The following DDX42 variants were observed in gnomAD, a reference collection of about 807,000 sequenced individuals.
DDX42 encodes the protein ATP-dependent RNA helicase DDX42.
A neutral mutation model predicts 101.5 loss-of-function variants in DDX42; 22 were observed. The observed-to-expected ratio is 0.22, with a 90% CI of 0.15 to 0.31. The LOEUF is 0.31. Ranked by LOEUF, DDX42 falls within the 10% of genes least tolerant of loss-of-function variation. DDX42 has a pLI of 1.00. For synonymous variants in DDX42, 402 were observed against 401.2 expected (o/e 1.00, Z -0.02); for missense variants, 849 against 1,199.9 (o/e 0.71, Z 4.32).
chr17:63,804,438 TA>T (rs1166419856), intron 6 of DDX42, among the ~76,000 whole-genome samples: 26 of 152,242 alleles, frequency 1.7e-4, no homozygotes, highest in African/African-American at 6.0e-4. Context: ...TTTTAAAAGT[TA>T]TAAACAACTC....
chr17:63,787,263 G>A lies in DDX42; in HGVS notation c.214G>A (p.Glu72Lys). 1 of 1,614,118 alleles carries A rather than the reference G, an allele frequency of 6.2e-7. No individual in the cohort carries two copies. ...ATCTAAGCGGGCCAACTTTGATGAA[G>A]AAAATGCGTAAGTGGTAATTCCTGG... Reference protein sequence around the residue: ...IGSKRANFDEENAYFEDEEED... With the variant: ...IGSKRANFDEKNAYFEDEEED... The change falls in exon 2 of 18, where the codon GAA (glutamate) becomes AAA (lysine). Residue 72 changes from glutamate to lysine, a missense_variant. Glu to Lys is a moderately conservative substitution (Grantham distance 56). Transcript: ENST00000389924.
chr17:63,795,361 T>C (rs1488543319), intron 3 of DDX42, among the ~76,000 whole-genome samples: 1 of 152,242 alleles, frequency 6.6e-6, no homozygotes, highest in Non-Finnish European at 1.5e-5. Flanking sequence ...CTGTAATTTT[T>C]TTCTTTTGAG....
At chr17:63,797,094 C>T (rs948113629) in intron 3 of DDX42, among the ~76,000 whole-genome samples, 2 of 151,964 alleles carry the variant, frequency 1.3e-5, no homozygotes, top group African/African-American at 4.8e-5. Flanking sequence ...CATCAATTTG[C>T]AGTATATAAA....
chr17:63,799,031 G>A (rs2039728530), intron 4 of DDX42, among the ~76,000 whole-genome samples: 1 of 152,188 alleles, frequency 6.6e-6, no homozygotes, highest in African/African-American at 2.4e-5. Flanking sequence ...ACAGCAAGTG[G>A]TGATGGTCCC....
At position 63,805,126 on chromosome 17, in the gene DDX42, A is replaced by C. The variant is rs777722604; in HGVS notation, c.677A>C (p.Asn226Thr). 1 of 1,613,320 alleles carries C rather than the reference A, an allele frequency of 6.2e-7. No homozygotes were observed. Among genetic ancestry groups the C allele is most frequent in the South Asian group, 1.1e-5 (1 of 90,794 alleles). The change falls in exon 7 of 18, where the codon AAC becomes ACC. Residue 226 changes from asparagine to threonine, a missense_variant. Coordinates refer to ENST00000389924, the MANE Select transcript of DDX42 (RefSeq NM_203499.3). ...NFYNEHEEITNLTPQQLIDLR... is the reference protein window; with the variant it reads ...NFYNEHEEITTLTPQQLIDLR... ...TACAATGAGCATGAAGAGATAACCA[A>C]CCTCACTCCACAGCAGTTAATAGAT...
At chr17:63,789,117 C>T (rs2039587535) in intron 2 of DDX42, among the ~76,000 whole-genome samples, 1 of 152,116 alleles carries the variant, frequency 6.6e-6, no homozygotes, top group Admixed American at 6.6e-5. Context: ...CTCACTGTCT[C>T]ACCCAGGCTA....
At chr17:63,798,626 T>C (rs1598333092) in intron 4 of DDX42, among the ~76,000 whole-genome samples, 1 of 152,206 alleles carries the variant, frequency 6.6e-6, no homozygotes, top group South Asian at 2.1e-4. Context: ...AGGGCTGTAA[T>C]AATACCTAAT....
intron 2 of DDX42, among the ~76,000 whole-genome samples, chr17:63,790,665 C>G (rs569662964): frequency 6.6e-6 from 1 of 152,324 alleles, no homozygotes; most frequent in East Asian, 1.9e-4. Context: ...GAGGCTGAGG[C>G]AGGAGAATCA....
At chr17:63,794,948 A>G (rs946261046) in intron 3 of DDX42, among the ~76,000 whole-genome samples, 3 of 151,970 alleles carry the variant, frequency 2.0e-5, no homozygotes, top group Non-Finnish European at 2.9e-5. Flanking sequence ...AAAAAAAAAA[A>G]AAAAGAAAAA....
intron 14 of DDX42, among the ~76,000 whole-genome samples, chr17:63,812,741 C>G (rs529140320): frequency 3.7e-3 from 559 of 152,100 alleles, no homozygotes; most frequent in Non-Finnish European, 4.8e-3. Flanking sequence ...GATAAAAGTC[C>G]CAGTCGGGCA....
At chr17:63,811,299 A>T (rs2039907393) in intron 13 of DDX42, 126 bp downstream of exon 13, 1 of 711,572 alleles carries the variant, frequency 1.4e-6, no homozygotes, top group Non-Finnish European at 2.2e-6. Flanking sequence ...AACATGCTTG[A>T]GATTGGGTAT....
chr17:63,788,542 A>AGG (rs1259620475), intron 2 of DDX42, among the ~76,000 whole-genome samples: 1 of 148,550 alleles, frequency 6.7e-6, no homozygotes, highest in African/African-American at 2.6e-5. Context: ...TCCTGACCTC[A>AGG]TGATCCGCCC....
rs558384572 is a variant in DDX42 at position 63,775,502 on chromosome 17, G to A, written c.-17+1126G>A. On this transcript the variant is annotated intron_variant, in intron 1 of 17. Coordinates refer to ENST00000389924, the MANE Select transcript of DDX42 (RefSeq NM_203499.3). ...GGGGGTTGGGGAGGTGGTGGTGTTG[G>A]AATTTGCAATAAAGTGGTCAGGGAA... is the stretch of plus-strand genomic sequence containing the variant. Among the ~76,000 whole-genome samples the A allele has an allele frequency of 7.9e-5, 12 of 152,278 alleles. No individual in the cohort carries two copies. In the South Asian group the frequency reaches 2.5e-3, roughly 32 times the overall value.
rs1062791 is a variant in DDX42 at position 63,819,127 on chromosome 17, C to T, written c.*729C>T. ...CAACAGCTTTTAAAGTGTCTTCTAT[C>T]TCATTGTATTTTTTTTAACTTGCCC... On this transcript the variant is annotated 3_prime_UTR_variant, in exon 18 of 18. Coordinates refer to ENST00000389924, the MANE Select transcript of DDX42 (RefSeq NM_203499.3). 0.7 allele frequency: 106,015 copies of T among 152,494 alleles called. 38,134 individuals carry two copies. Among genetic ancestry groups the T allele is most frequent in the African/African-American group, 0.9 (37,395 of 41,544 alleles). The allele number at this position is 152,494 out of a possible 1,614,324, so 9.4% of individuals were successfully genotyped here.
rs2039968476 is a variant in DDX42, at chr17:63,815,660, G to C, written c.2000G>C (p.Gly667Ala). The C allele has an allele frequency of 6.2e-7, 1 of 1,613,214 alleles. No individual in the cohort carries two copies. ...GGCTACAGGGAGCGGCCTGGCCTGG[G>C]CTCTGAGAACATGGTGAGTCTAGAC... is the stretch of plus-strand genomic sequence containing the variant. ...GLGYRERPGLGSENMDRGNNN... is the reference protein window; with the variant it reads ...GLGYRERPGLASENMDRGNNN... Residue 667 changes from glycine to alanine, a missense_variant, in exon 16 of 18, where the codon GGC (glycine) becomes GCC (alanine). Around this residue, in one of 5 missense-constraint regions of DDX42, gnomAD observed 86 missense variants for 160.8 expected, o/e 0.53. Coordinates refer to ENST00000389924, the MANE Select transcript of DDX42 (RefSeq NM_203499.3).
Position 63,777,346 on chromosome 17 carries a change from A to G in DDX42, c.-17+2970A>G, listed in dbSNP as rs559228345. ...GAGTATCTAATATTGAAAACATGCT[A>G]TAAGAGAAAAGTGAATAAGCCTGTT... On this transcript the variant is annotated intron_variant, in intron 1 of 17. Coordinates refer to ENST00000389924, the MANE Select transcript of DDX42 (RefSeq NM_203499.3). Among the ~76,000 whole-genome samples the G allele has an allele frequency of 2.7e-3, 408 of 152,362 alleles. 2 individuals are homozygous for G. The highest frequency in any genetic ancestry group is 3.7e-3 in the Non-Finnish European group (249 of 68,040).
intron 6 of DDX42, among the ~76,000 whole-genome samples, chr17:63,802,246 G>A (rs2039779999): frequency 6.6e-6 from 1 of 152,140 alleles, no homozygotes; most frequent in South Asian, 2.1e-4. Flanking sequence ...TATTAAAGTC[G>A]TGACCCTTGA....
chr17:63,798,441 G>A (rs1173875639), intron 4 of DDX42, among the ~76,000 whole-genome samples: 1 of 152,106 alleles, frequency 6.6e-6, no homozygotes, highest in Middle Eastern at 3.2e-3. Context: ...TATAAAATAG[G>A]TTTATGCCTA....
intron 2 of DDX42, among the ~76,000 whole-genome samples, chr17:63,788,836 A>G (rs1051497003): frequency 2.0e-5 from 3 of 152,060 alleles, no homozygotes; most frequent in Admixed American, 2.0e-4. Flanking sequence ...TCTTGTTGCT[A>G]TTATTTCCAA....
Sources: gnomAD v4.1 joint callset for allele counts (sites outside exome capture counted in the v4.1 genomes callset) on GRCh38, gnomAD v4.1.1 for gene constraint, gnomAD v4.1.1 regional missense constraint, MANE v1.5 for transcripts, NCBI Gene and HGNC (gene_info 2026-07-23, HGNC 2026-07-21) for gene names.